Variants in MOCOS observed in about 807,000 individuals in gnomAD.
MOCOS encodes molybdenum cofactor sulfurase.
A neutral mutation model predicts 83.6 loss-of-function variants in MOCOS; 86 were observed. The ratio of observed to expected loss-of-function variants is 1.03; its 90% CI spans 0.86 to 1.23. The LOEUF is 1.23. MOCOS is among the 50% of genes most tolerant of loss of function. The pLI is 0.00. For missense variants in MOCOS, 1,120 were observed against 1,126.9 expected (o/e 0.99, Z 0.09); for synonymous variants, 445 against 434.7 (o/e 1.02, Z -0.29).
At chr18:36,232,592 C>G (rs1362816803) in intron 9 of MOCOS, among the ~76,000 whole-genome samples, 1 of 152,058 alleles carries the variant, frequency 6.6e-6, no homozygotes, top group Non-Finnish European at 1.5e-5. Flanking sequence ...CCTTATTCCT[C>G]CTATATACCT....
At chr18:36,225,537 T>C (rs562343798) in intron 9 of MOCOS, among the ~76,000 whole-genome samples, 2 of 152,218 alleles carry the variant, frequency 1.3e-5, no homozygotes, top group Non-Finnish European at 2.9e-5. Flanking sequence ...TTTCCATTTT[T>C]CAATTTTATT....
At chr18:36,220,248 G>A in intron 9 of MOCOS, 31 bp downstream of exon 9, 1 of 1,612,844 alleles carries the variant, frequency 6.2e-7, no homozygotes. Context: ...TCACAGAGCA[G>A]CTCCCAACAG....
At chr18:36,259,492 C>T (rs966485979) in intron 12 of MOCOS, among the ~76,000 whole-genome samples, 1 of 141,768 alleles carries the variant, frequency 7.1e-6, no homozygotes, top group African/African-American at 2.6e-5. Flanking sequence ...GCAGATGTTA[C>T]ACTGCAAATA....
chr18:36,213,870 A>G (rs952896974), intron 7 of MOCOS, among the ~76,000 whole-genome samples: 10 of 151,198 alleles, frequency 6.6e-5, no homozygotes, highest in Admixed American at 6.6e-4. Flanking sequence ...CAGAGGTTGC[A>G]GTGAGCCGAG....
rs1224560102 is a variant in MOCOS at position 36,266,610 on chromosome 18, C to CA, written c.2410-138dup. 5.5e-6 allele frequency: 4 copies of CA among 726,598 alleles called. No individual in the cohort carries two copies. In the African/African-American group the frequency reaches 7.0e-5, roughly 13 times the overall value. 45.0% of individuals were successfully genotyped at this position (726,598 alleles called of 1,614,324 possible). ...TGACAAACAAATGCAGATGATTCCC[C>CA]AGCAGAGACGGTGAACAGGTGCCAC... is the stretch of plus-strand genomic sequence containing the variant. On this transcript the variant is annotated intron_variant, in intron 13 of 14. Transcript: ENST00000261326.
At chr18:36,268,089 C>G (rs978557355) in intron 14 of MOCOS, among the ~76,000 whole-genome samples, 1 of 152,212 alleles carries the variant, frequency 6.6e-6, no homozygotes, top group Admixed American at 6.5e-5. Flanking sequence ...GACCTTCCAT[C>G]CTTATTCAGG....
At chr18:36,251,422 T>G (rs2091621476) in intron 11 of MOCOS, 139 bp downstream of exon 11, 2 of 1,188,802 alleles carry the variant, frequency 1.7e-6, no homozygotes, top group East Asian at 4.7e-5. Context: ...AGCAGAAACC[T>G]ACTGCAGTAG....
Position 36,263,495 on chromosome 18 carries a change from A to G in MOCOS, c.2410-3254A>G, listed in dbSNP as rs575207493. Among the ~76,000 whole-genome samples, 4 of 152,344 alleles carry G rather than the reference A, an allele frequency of 2.6e-5. No individual in the cohort carries two copies. In the East Asian group the frequency reaches 5.8e-4, roughly 22 times the overall value. ...CCTGACTGGAAGGATGTCCTTGCAT[A>G]TTGCAGAGTAATTGAAAAAGAAACC... is the stretch of plus-strand genomic sequence containing the variant. On this transcript the variant is annotated intron_variant, in intron 13 of 14. Transcript: ENST00000261326.
chr18:36,261,300 T>C (rs528199099), intron 13 of MOCOS, among the ~76,000 whole-genome samples: 1 of 152,314 alleles, frequency 6.6e-6, no homozygotes, highest in African/African-American at 2.4e-5. Flanking sequence ...TGGAGCATTT[T>C]GGATTTCAGA....
At chr18:36,225,862 A>G (rs555640259) in intron 9 of MOCOS, among the ~76,000 whole-genome samples, 1 of 150,930 alleles carries the variant, frequency 6.6e-6, no homozygotes, top group South Asian at 2.1e-4. Flanking sequence ...TCTTGCTGCT[A>G]CTATTTCTAG....
chr18:36,206,244 CT>C (rs71166102), intron 6 of MOCOS, among the ~76,000 whole-genome samples: 5,845 of 103,380 alleles, frequency 0.057, 107 homozygotes, highest in East Asian at 0.098. Context: ...TTTCTTCCAA[CT>C]TTTTTTTTTT....
chr18:36,243,045 G>A (rs886625822), intron 9 of MOCOS, among the ~76,000 whole-genome samples: 1 of 152,180 alleles, frequency 6.6e-6, no homozygotes, highest in Non-Finnish European at 1.5e-5. Flanking sequence ...GTGGTAAAAG[G>A]GAATGAGTTC....
intron 2 of MOCOS, among the ~76,000 whole-genome samples, chr18:36,197,830 A>AT (rs75255021): frequency 0.072 from 10,991 of 152,226 alleles, 483 homozygotes; most frequent in East Asian, 0.12. Flanking sequence ...TGACCTAGTG[A>AT]TGCAATCATC....
At chr18:36,221,259 C>T (rs950841405) in intron 9 of MOCOS, among the ~76,000 whole-genome samples, 4 of 152,168 alleles carry the variant, frequency 2.6e-5, no homozygotes, top group Non-Finnish European at 4.4e-5. Flanking sequence ...TAAATAGCTA[C>T]GTGTAGCTAT....
intron 13 of MOCOS, among the ~76,000 whole-genome samples, chr18:36,260,687 T>G (rs1456209874): frequency 2.0e-5 from 3 of 152,110 alleles, no homozygotes; most frequent in African/African-American, 7.2e-5. Context: ...GGCTTTGGAC[T>G]CCCAAAACCT....
chr18:36,239,135 T>C (rs2144941248), intron 9 of MOCOS, among the ~76,000 whole-genome samples: 1 of 151,340 alleles, frequency 6.6e-6, no homozygotes, highest in African/African-American at 2.4e-5. Context: ...TCCATTTACA[T>C]TTAAAGTTAA....
chr18:36,210,315 G>A (rs995149771), intron 6 of MOCOS, among the ~76,000 whole-genome samples: 1 of 152,046 alleles, frequency 6.6e-6, no homozygotes, highest in African/African-American at 2.4e-5. Context: ...GTCCTCACTG[G>A]TGTTCAGGGC....
chr18:36,259,691 A>G (rs1443318464), intron 12 of MOCOS, among the ~76,000 whole-genome samples: 2 of 152,172 alleles, frequency 1.3e-5, no homozygotes, highest in East Asian at 3.8e-4. Context: ...GCCCCACCTT[A>G]TAGAACTGGT....
intron 11 of MOCOS, 109 bp from the exon 12 acceptor site, chr18:36,256,859 C>A (rs2091643401): frequency 5.2e-6 from 5 of 968,518 alleles, no homozygotes; most frequent in Admixed American, 1.7e-5. Flanking sequence ...CACTTTTTTT[C>A]CCTTGTAGAA....
Sources: gnomAD v4.1 joint callset for allele counts (sites outside exome capture counted in the v4.1 genomes callset) on GRCh38, gnomAD v4.1.1 for gene constraint, MANE v1.5 for transcripts, NCBI Gene and HGNC (gene_info 2026-07-23, HGNC 2026-07-21) for gene names.